Variants in GLG1 observed in about 807,000 individuals in gnomAD.
The protein encoded by GLG1 is golgi glycoprotein 1, also known as Golgi apparatus protein 1.
A neutral mutation model predicts 160.5 loss-of-function variants in GLG1; 38 were observed. The ratio of observed to expected loss-of-function variants is 0.24; its 90% CI spans 0.18 to 0.31. GLG1 has a LOEUF of 0.31. GLG1 is among the 10% of genes least tolerant of loss of function. GLG1 has a pLI of 1.00. For missense variants in GLG1, 1,373 were observed against 1,505.2 expected, an observed-to-expected ratio of 0.91 and a Z score of 1.45; for synonymous variants, 644 against 543.4, an observed-to-expected ratio of 1.19 and a Z score of -2.57.
At position 74,452,963 on chromosome 16, in the gene GLG1, G is replaced by A; in HGVS notation, c.*204C>T. The A allele has an allele frequency of 1.6e-6, 2 of 1,240,004 alleles. No homozygotes were observed. Among genetic ancestry groups the A allele is most frequent in the Non-Finnish European group, 2.0e-6 (2 of 988,206 alleles). The allele number at this position is 1,240,004 out of a possible 1,614,324, so 76.8% of individuals were successfully genotyped here. On this transcript the variant is annotated 3_prime_UTR_variant, in exon 26 of 26. Coordinates refer to ENST00000422840, the MANE Select transcript of GLG1 (RefSeq NM_001145667.2). The stretch of plus-strand genomic sequence containing the variant: ...ACAAAGGCAGTAACCCCAGCGACCA[G>A]CTGCTGCTGCTGCACGGTGAGGAGG...
At chr16:74,552,844 T>C (rs2018240851) in intron 1 of GLG1, 1 of 152,512 alleles carries the variant, frequency 6.6e-6, no homozygotes, top group African/African-American at 2.4e-5. Flanking sequence ...GGTTTGATTC[T>C]GAATGTCTTC....
chr16:74,488,830 G>T (rs1326073479), intron 8 of GLG1, among the ~76,000 whole-genome samples: 2 of 151,950 alleles, frequency 1.3e-5, no homozygotes, highest in Non-Finnish European at 1.5e-5. Context: ...TGTTGGCCAG[G>T]CTGGTCATGA....
chr16:74,524,995 G>T (rs1270008129), intron 2 of GLG1, among the ~76,000 whole-genome samples: 1 of 151,872 alleles, frequency 6.6e-6, no homozygotes, highest in Non-Finnish European at 1.5e-5. Context: ...TCATTTTTTT[G>T]CAAACTGATA....
intron 1 of GLG1, among the ~76,000 whole-genome samples, chr16:74,551,617 T>A (rs1490823159): frequency 6.6e-6 from 1 of 151,898 alleles, no homozygotes; most frequent in African/African-American, 2.4e-5. Context: ...CCCTTATTTT[T>A]TTTTTTTTAA....
At chr16:74,468,923 G>C (rs750902565) in intron 17 of GLG1, 23 bp downstream of exon 17, 1 of 1,429,586 alleles carries the variant, frequency 7.0e-7, no homozygotes, top group Non-Finnish European at 9.9e-7. Flanking sequence ...TGGTTTCTGG[G>C]AGCAGAGGCT....
rs367965373 is a variant in GLG1, at chr16:74,545,723, G to C, written c.439-13570C>G. 1.1e-4 allele frequency among the ~76,000 whole-genome samples: 16 copies of C among 152,326 alleles called. No homozygotes were observed. The East Asian group carries it at 2.3e-3, about 22-fold the overall frequency. On this transcript the variant is annotated intron_variant, in intron 1 of 25. Coordinates refer to ENST00000422840, the MANE Select transcript of GLG1 (RefSeq NM_001145667.2). ...CTCAACTTTATATTTAAGTTCAACTGCTCAGATGCAGACATCTTTTAACAT... is the reference window on the plus strand; with the variant it reads ...CTCAACTTTATATTTAAGTTCAACTCCTCAGATGCAGACATCTTTTAACAT...
intron 1 of GLG1, among the ~76,000 whole-genome samples, chr16:74,542,480 C>G (rs2017898952): frequency 6.6e-6 from 1 of 151,768 alleles, no homozygotes; most frequent in African/African-American, 2.4e-5. Flanking sequence ...ACCAGCGTGG[C>G]CAACGTGGTG....
chr16:74,506,051 A>G (rs1460166048), intron 3 of GLG1, among the ~76,000 whole-genome samples: 2 of 124,876 alleles, frequency 1.6e-5, no homozygotes, highest in South Asian at 2.7e-4. Flanking sequence ...AAAAAAAAAA[A>G]GAGGGCCAGG....
At chr16:74,536,527 C>A (rs998899087) in intron 1 of GLG1, among the ~76,000 whole-genome samples, 1 of 151,884 alleles carries the variant, frequency 6.6e-6, no homozygotes, top group African/African-American at 2.4e-5. Context: ...GTTAAAATAG[C>A]GAAATCAAAC....
chr16:74,528,156 A>C (rs187393046), intron 2 of GLG1, among the ~76,000 whole-genome samples: 4 of 151,976 alleles, frequency 2.6e-5, no homozygotes, highest in African/African-American at 7.3e-5. Flanking sequence ...CGTGAGCCAC[A>C]AAACCTGGCC....
intron 11 of GLG1, among the ~76,000 whole-genome samples, chr16:74,478,008 A>ATAAAG (rs2015454383): frequency 6.6e-6 from 1 of 151,542 alleles, no homozygotes; most frequent in African/African-American, 2.4e-5. Context: ...AAATAAATAA[A>ATAAAG]TAAATAAAAT....
intron 2 of GLG1, among the ~76,000 whole-genome samples, chr16:74,527,242 GTTC>G (rs1224627517): frequency 1.3e-4 from 13 of 99,920 alleles, no homozygotes; most frequent in East Asian, 7.9e-4. Context: ...GCTTAAGTCA[GTTC>G]TTTTTTTTTT....
At position 74,452,740 on chromosome 16, in the gene GLG1, A is replaced by AT; in HGVS notation, c.*426dup. 3.0e-6 allele frequency: 3 copies of AT among 993,220 alleles called. No homozygotes were observed. The highest frequency in any genetic ancestry group is 3.6e-6 in the Non-Finnish European group (3 of 834,582). 61.5% of individuals were successfully genotyped at this position (993,220 alleles called of 1,614,324 possible). A position where few individuals can be genotyped will look rare whatever the true frequency, so the allele number is the denominator to read the frequency against. The stretch of plus-strand genomic sequence containing the variant: ...TGTTTTACACAGTCATATGAAAGAC[A>AT]TAACCCCATTGCCCAAATCAAGCCT... On this transcript the variant is annotated 3_prime_UTR_variant, in exon 26 of 26. Coordinates refer to ENST00000422840, the MANE Select transcript of GLG1 (RefSeq NM_001145667.2).
intron 1 of GLG1, among the ~76,000 whole-genome samples, chr16:74,603,550 T>A (rs945062137): frequency 8.5e-5 from 13 of 152,078 alleles, no homozygotes; most frequent in Non-Finnish European, 1.9e-4. Context: ...GGCTAGGATT[T>A]CAAGTGTGAG....
intron 3 of GLG1, among the ~76,000 whole-genome samples, chr16:74,508,066 C>T (rs2016677159): frequency 1.3e-5 from 2 of 151,854 alleles, no homozygotes; most frequent in Admixed American, 6.6e-5. Context: ...ACAGGTTCTA[C>T]GAGTCCCCAT....
At chr16:74,548,825 G>C (rs1045781140) in intron 1 of GLG1, among the ~76,000 whole-genome samples, 3 of 151,998 alleles carry the variant, frequency 2.0e-5, no homozygotes, top group African/African-American at 7.3e-5. Flanking sequence ...GTGAAACCTC[G>C]TCTCTACTAA....
At chr16:74,503,803 A>C in intron 3 of GLG1, 57 bp from the exon 4 acceptor site, 1 of 1,115,572 alleles carries the variant, frequency 9.0e-7, no homozygotes, top group Non-Finnish European at 1.3e-6. Context: ...ATCAAACAAT[A>C]TTTATCAAAG....
At chr16:74,599,179 A>G (rs1483625889) in intron 1 of GLG1, among the ~76,000 whole-genome samples, 1 of 151,932 alleles carries the variant, frequency 6.6e-6, no homozygotes, top group East Asian at 1.9e-4. Context: ...TAATATTTTT[A>G]TCTGAGGTAG....
intron 19 of GLG1, chr16:74,463,866 C>A (rs533658822): frequency 1.6e-5 from 3 of 183,284 alleles, no homozygotes; most frequent in Admixed American, 5.7e-5. Context: ...TGAGCCACCA[C>A]GCCTGGCCAC....
Sources: gnomAD v4.1 joint callset for allele counts (sites outside exome capture counted in the v4.1 genomes callset) on GRCh38, gnomAD v4.1.1 for gene constraint, MANE v1.5 for transcripts, NCBI Gene and HGNC (gene_info 2026-07-23, HGNC 2026-07-21) for gene names.